The following SLC39A9 variants were observed in gnomAD, a reference collection of about 807,000 sequenced individuals.
SLC39A9 encodes solute carrier family 39 member 9, also known as zinc transporter ZIP9.
A neutral mutation model predicts 28.4 loss-of-function variants in SLC39A9; 14 were observed. The ratio of observed to expected loss-of-function variants is 0.49; its 90% CI spans 0.33 to 0.77. The LOEUF (loss-of-function observed/expected upper bound fraction) is 0.77, where lower values mean the gene tolerates loss of function less well. Ranked by LOEUF, SLC39A9 falls within the 30% of genes least tolerant of loss-of-function variation. SLC39A9 has a pLI of 0.02. For missense variants in SLC39A9, 283 were observed against 381.1 expected (o/e 0.74, Z 2.14); for synonymous variants, 119 against 149.6 (o/e 0.80, Z 1.49).
chr14:69,459,780 C>T lies in SLC39A9; in HGVS notation c.*1187C>T, dbSNP rs1055623. 1 of 985,336 alleles carries T rather than the reference C, an allele frequency of 1.0e-6. No individual in the cohort carries two copies. Among genetic ancestry groups the T allele is most frequent in the Non-Finnish European group, 1.2e-6 (1 of 829,922 alleles). 61.0% of individuals were successfully genotyped at this position (985,336 alleles called of 1,614,324 possible). A position where few individuals can be genotyped will look rare whatever the true frequency, so the allele number is the denominator to read the frequency against. ...CTTCTAACTTTTCCCTCTAGCCTCT[C>T]CTCGCCACAATTTGCTGCTTACTGC... On this transcript the variant is annotated 3_prime_UTR_variant, in exon 7 of 7. Coordinates refer to ENST00000336643, the MANE Select transcript of SLC39A9 (RefSeq NM_018375.5).
At chr14:69,409,801 G>C (rs925822047) in intron 1 of SLC39A9, among the ~76,000 whole-genome samples, 5 of 152,122 alleles carry the variant, frequency 3.3e-5, no homozygotes, top group African/African-American at 7.2e-5. Context: ...TTCAGGGATA[G>C]AATGATGGGG....
chr14:69,441,825 T>G (rs1885063347), intron 2 of SLC39A9: 1 of 1,208,498 alleles, frequency 8.3e-7, no homozygotes, highest in Admixed American at 4.3e-5. Flanking sequence ...TTGCTTCCAC[T>G]TCCCAGGTGT....
chr14:69,416,586 C>T (rs954844432), intron 1 of SLC39A9, among the ~76,000 whole-genome samples: 9 of 152,208 alleles, frequency 5.9e-5, no homozygotes, highest in African/African-American at 2.2e-4. Flanking sequence ...ACACTCCCAC[C>T]AGCAGTGTAA....
At chr14:69,420,718 A>G (rs986250746) in intron 1 of SLC39A9, among the ~76,000 whole-genome samples, 1 of 151,918 alleles carries the variant, frequency 6.6e-6, no homozygotes. Context: ...TTTTTTCTCT[A>G]AACTTCTCAC....
At chr14:69,414,506 C>T (rs1280758758) in intron 1 of SLC39A9, among the ~76,000 whole-genome samples, 2 of 152,124 alleles carry the variant, frequency 1.3e-5, no homozygotes, top group South Asian at 2.1e-4. Flanking sequence ...TTTTAGTATT[C>T]GAATTAGATC....
At chr14:69,414,920 G>T (rs1281783186) in intron 1 of SLC39A9, among the ~76,000 whole-genome samples, 5 of 152,140 alleles carry the variant, frequency 3.3e-5, no homozygotes, top group African/African-American at 1.2e-4. Context: ...TTTGTGTAAA[G>T]CTTCTTTCAC....
Position 69,461,840 on chromosome 14 carries a change from GGGAGA to G in SLC39A9, c.*3248_*3252del. 1 of 1,194,120 alleles carries G rather than the reference GGGAGA, an allele frequency of 8.4e-7. No individual in the cohort carries two copies. The highest frequency in any genetic ancestry group is 1.2e-6 in the Non-Finnish European group (1 of 865,424). 74.0% of individuals were successfully genotyped at this position (1,194,120 alleles called of 1,614,324 possible). The stretch of plus-strand genomic sequence containing the variant: ...TGCCTTGTGGGCCCCTGAGCCCCTT[GGGAGA>G]CTGAGAATCATGACCAGATTCATCC... On this transcript the variant is annotated 3_prime_UTR_variant, in exon 7 of 7. Coordinates refer to ENST00000336643, the MANE Select transcript of SLC39A9 (RefSeq NM_018375.5).
In SLC39A9 at chr14:69,441,627, A is replaced by G. The variant is rs1218864344; in HGVS notation, c.206-442A>G. On this transcript the variant is annotated intron_variant, in intron 2 of 6. Transcript: ENST00000336643. Reference sequence around the variant, plus strand: ...AATTTGTTCCTTATTTTACATTTTTATCTCAGCCTAGGTATAAACTAGATG... The same window carrying G: ...AATTTGTTCCTTATTTTACATTTTTGTCTCAGCCTAGGTATAAACTAGATG... 2.6e-5 allele frequency among the ~76,000 whole-genome samples: 4 copies of G among 152,344 alleles called. No individual in the cohort carries two copies. In the East Asian group the frequency reaches 7.7e-4, roughly 29 times the overall value.
chr14:69,406,850 T>G (rs537795144), intron 1 of SLC39A9, among the ~76,000 whole-genome samples: 5 of 132,880 alleles, frequency 3.8e-5, no homozygotes, highest in African/African-American at 8.6e-5. Flanking sequence ...AATTCTTTGT[T>G]TTTTTTTTTT....
intron 1 of SLC39A9, among the ~76,000 whole-genome samples, chr14:69,415,748 T>G (rs1168339623): frequency 6.6e-6 from 1 of 152,182 alleles, no homozygotes; most frequent in Non-Finnish European, 1.5e-5. Context: ...GATCCCTTTC[T>G]TCCTCTCCAA....
intron 1 of SLC39A9, among the ~76,000 whole-genome samples, chr14:69,399,930 C>G (rs930554164): frequency 2.0e-5 from 3 of 152,018 alleles, no homozygotes; most frequent in Non-Finnish European, 4.4e-5. Context: ...GCCTGGGCAA[C>G]GTGGCGGGAC....
chr14:69,398,544 A>G (rs1156794201), upstream of SLC39A9: 1 of 499,916 alleles, frequency 2.0e-6, no homozygotes, highest in Non-Finnish European at 3.6e-6. Context: ...TCAAGTGATC[A>G]CCGGTATAGA....
At chr14:69,408,502 G>A (rs1278325615) in intron 1 of SLC39A9, among the ~76,000 whole-genome samples, 2 of 152,202 alleles carry the variant, frequency 1.3e-5, no homozygotes, top group African/African-American at 2.4e-5. Context: ...CTGACCTTCA[G>A]TGTCAGTGCC....
intron 1 of SLC39A9, among the ~76,000 whole-genome samples, chr14:69,409,023 A>G (rs1250478303): frequency 1.3e-5 from 2 of 152,242 alleles, no homozygotes; most frequent in African/African-American, 4.8e-5. Context: ...CTGCTTGTAG[A>G]TAAGGAAACT....
chr14:69,406,974 C>G (rs948012694), intron 1 of SLC39A9, among the ~76,000 whole-genome samples: 1 of 150,768 alleles, frequency 6.6e-6, no homozygotes, highest in East Asian at 2.0e-4. Flanking sequence ...CCTCAGCCCC[C>G]CCAGTAGATG....
chr14:69,437,723 G>A (rs1884845261), intron 2 of SLC39A9, among the ~76,000 whole-genome samples: 1 of 151,642 alleles, frequency 6.6e-6, no homozygotes, highest in African/African-American at 2.4e-5. Flanking sequence ...CAAGTAACTG[G>A]GATTATAGGT....
chr14:69,432,221 A>G (rs1884536374), intron 2 of SLC39A9, among the ~76,000 whole-genome samples: 1 of 152,094 alleles, frequency 6.6e-6, no homozygotes, highest in Non-Finnish European at 1.5e-5. Context: ...CCTTGCCAGC[A>G]TGTTGTTTTT....
chr14:69,423,067 T>C (rs563504118), intron 1 of SLC39A9, among the ~76,000 whole-genome samples: 41 of 152,354 alleles, frequency 2.7e-4, no homozygotes, highest in African/African-American at 9.9e-4. Context: ...TACATGTTTA[T>C]TGTAGGTAAA....
chr14:69,456,703 A>G (rs1885881688), intron 6 of SLC39A9, among the ~76,000 whole-genome samples: 1 of 152,214 alleles, frequency 6.6e-6, no homozygotes, highest in Non-Finnish European at 1.5e-5. Context: ...CTTAGAAGCA[A>G]ACTGACTCAG....
Sources: allele counts gnomAD v4.1 joint callset (sites outside exome capture counted in the v4.1 genomes callset), GRCh38; gene constraint gnomAD v4.1.1; transcripts MANE v1.5; gene names NCBI Gene and HGNC (gene_info 2026-07-23, HGNC 2026-07-21).